The following BCAR3 variants were observed in gnomAD, a reference collection of about 807,000 sequenced individuals.
The protein encoded by BCAR3 is BCAR3 adaptor protein, NSP family member.
BCAR3 carries 37 observed loss-of-function variants against 80.1 expected under a neutral mutation model. That is an observed-to-expected ratio of 0.46 (90% CI 0.36 to 0.61). The LOEUF (loss-of-function observed/expected upper bound fraction) is 0.61, where lower values mean the gene tolerates loss of function less well. Among genes scored for constraint, BCAR3 ranks in the 20% least tolerant of loss-of-function variants. The pLI is 0.00. For synonymous variants in BCAR3, 389 were observed against 418.9 expected (o/e 0.93, Z 0.87); for missense variants, 978 against 1,068.2 (o/e 0.92, Z 1.18).
intron 3 of BCAR3, among the ~76,000 whole-genome samples, chr1:93,627,923 T>C (rs1302752132): frequency 6.6e-6 from 1 of 152,182 alleles, no homozygotes; most frequent in Admixed American, 6.5e-5. Flanking sequence ...CTAAGGGATA[T>C]AATTACAGGG....
intron 7 of BCAR3, 108 bp downstream of exon 7, chr1:93,582,193 A>G: frequency 7.2e-7 from 1 of 1,392,658 alleles, no homozygotes; most frequent in Non-Finnish European, 9.7e-7. Flanking sequence ...GAGTGAGGCC[A>G]GATGGATCCC....
At chr1:93,567,637 T>C (rs1158602486) in intron 10 of BCAR3, 103 bp downstream of exon 10, 2 of 1,388,278 alleles carry the variant, frequency 1.4e-6, no homozygotes, top group East Asian at 4.6e-5. Context: ...TGATGAGCCA[T>C]CCACAGTGCT....
At chr1:93,754,947 G>T (rs1651694743) in intron 2 of BCAR3, among the ~76,000 whole-genome samples, 1 of 152,146 alleles carries the variant, frequency 6.6e-6, no homozygotes, top group African/African-American at 2.4e-5. Flanking sequence ...CATGTATGTT[G>T]CCCCTGAAGA....
At chr1:93,686,360 T>A (rs4847249), upstream of BCAR3, among the ~76,000 whole-genome samples, 2 of 152,332 alleles carry the variant, frequency 1.3e-5, no homozygotes, top group South Asian at 2.1e-4. Context: ...GCTATGATTG[T>A]GCCTGTGCAT....
intron 2 of BCAR3, among the ~76,000 whole-genome samples, chr1:93,797,918 T>A (rs986737640): frequency 1.2e-4 from 19 of 152,206 alleles, no homozygotes; most frequent in African/African-American, 4.6e-4. Context: ...TTTATAACCC[T>A]GAGCTGGAGG....
chr1:93,567,238 G>T, intron 11 of BCAR3, 41 bp downstream of exon 11: 1 of 1,595,010 alleles, frequency 6.3e-7, no homozygotes. Flanking sequence ...TTTCAATTAC[G>T]ATACAGTGTT....
chr1:93,618,231 G>GC (rs1675199037), intron 3 of BCAR3, among the ~76,000 whole-genome samples: 1 of 152,222 alleles, frequency 6.6e-6, no homozygotes, highest in Non-Finnish European at 1.5e-5. Flanking sequence ...GCGCCCTCTG[G>GC]CCCCCTTTGT....
At chr1:93,726,404 C>T (rs1025406518) in intron 2 of BCAR3, among the ~76,000 whole-genome samples, 2 of 152,086 alleles carry the variant, frequency 1.3e-5, no homozygotes, top group African/African-American at 4.8e-5. Context: ...TACAGCCCAC[C>T]TAAATTTGGA....
chr1:93,648,746 C>T (rs927510672), intron 2 of BCAR3: 4 of 152,260 alleles, frequency 2.6e-5, no homozygotes, highest in Admixed American at 1.3e-4. Flanking sequence ...CCTCATTTTC[C>T]TCTTCTGTCT....
chr1:93,578,020 CAAAG>C (rs1431145142), intron 7 of BCAR3, among the ~76,000 whole-genome samples: 1 of 152,212 alleles, frequency 6.6e-6, no homozygotes, highest in Non-Finnish European at 1.5e-5. Context: ...CTCACTGACA[CAAAG>C]GAAGGACAAA....
rs1044900254 is a variant in BCAR3 at position 93,562,755 on chromosome 1, C to T, written c.2300-336G>A. On this transcript the variant is annotated intron_variant, in intron 11 of 11. Coordinates refer to ENST00000260502, the MANE Select transcript of BCAR3 (RefSeq NM_003567.4). ...ACTGCACTGCAGCCTGGGTGACAAGCGAGACTCCATCTCAAAAAAAAAAAA... is the reference window on the plus strand; with the variant it reads ...ACTGCACTGCAGCCTGGGTGACAAGTGAGACTCCATCTCAAAAAAAAAAAA... Among the ~76,000 whole-genome samples, 12 of 113,050 alleles carry T rather than the reference C, an allele frequency of 1.1e-4. No homozygotes were observed. In the Admixed American group the frequency reaches 1.3e-3, roughly 13 times the overall value. 74.2% of individuals were successfully genotyped at this position (113,050 alleles called of 152,430 possible). A position where few individuals can be genotyped will look rare whatever the true frequency, so the allele number is the denominator to read the frequency against.
chr1:93,675,276 A>G (rs1392482134), intron 1 of BCAR3, among the ~76,000 whole-genome samples: 4 of 152,262 alleles, frequency 2.6e-5, no homozygotes, highest in African/African-American at 9.6e-5. Context: ...TAAATGTACG[A>G]AAGAAAATAT....
intron 2 of BCAR3, among the ~76,000 whole-genome samples, chr1:93,742,112 C>T (rs956923150): frequency 2.4e-4 from 36 of 152,124 alleles, no homozygotes; most frequent in Non-Finnish European, 5.1e-4. Flanking sequence ...CTAAAATATC[C>T]CTTTGAATTT....
intron 2 of BCAR3, among the ~76,000 whole-genome samples, chr1:93,766,271 C>T (rs1324512450): frequency 6.6e-6 from 1 of 152,246 alleles, no homozygotes; most frequent in East Asian, 1.9e-4. Context: ...TCCAGAGCCA[C>T]CTGAGCCAGT....
At chr1:93,729,700 G>T (rs1208323742) in intron 2 of BCAR3, among the ~76,000 whole-genome samples, 1 of 152,172 alleles carries the variant, frequency 6.6e-6, no homozygotes, top group Non-Finnish European at 1.5e-5. Flanking sequence ...ATCAGGAGGG[G>T]TATACTGTGG....
chr1:93,584,896 T>A, intron 5 of BCAR3: 1 of 858,750 alleles, frequency 1.2e-6, no homozygotes, highest in Non-Finnish European at 1.4e-6. Context: ...CCAGCCAAGT[T>A]GTTATGAACT....
chr1:93,603,250 C>T (rs1674676336), intron 3 of BCAR3, among the ~76,000 whole-genome samples: 2 of 152,216 alleles, frequency 1.3e-5, no homozygotes, highest in Non-Finnish European at 2.9e-5. Context: ...CTGACCCAGC[C>T]CAGTGGGCAC....
chr1:93,801,862 G>A (rs1653491620), intron 2 of BCAR3, among the ~76,000 whole-genome samples: 1 of 152,200 alleles, frequency 6.6e-6, no homozygotes, highest in Non-Finnish European at 1.5e-5. Flanking sequence ...GCTCATGTCT[G>A]TAATCCCAGC....
intron 2 of BCAR3, among the ~76,000 whole-genome samples, chr1:93,667,825 C>T (rs149454309): frequency 6.6e-6 from 1 of 152,330 alleles, no homozygotes; most frequent in African/African-American, 2.4e-5. Context: ...TGGCTCAGGC[C>T]GGTCTGGCCA....
Sources: allele counts gnomAD v4.1 joint callset (sites outside exome capture counted in the v4.1 genomes callset), GRCh38; gene constraint gnomAD v4.1.1; transcripts MANE v1.5; gene names NCBI Gene and HGNC (gene_info 2026-07-23, HGNC 2026-07-21).